The following LCN12 variants were observed in gnomAD, a reference collection of about 807,000 sequenced individuals.
LCN12 encodes lipocalin 12.
LCN12 carries 15 observed loss-of-function variants against 23.7 expected under a neutral mutation model. The ratio of observed to expected loss-of-function variants is 0.63; its 90% CI spans 0.42 to 0.97. The LOEUF (loss-of-function observed/expected upper bound fraction) is 0.97, where lower values mean the gene tolerates loss of function less well. Ranked by LOEUF, LCN12 falls within the 50% of genes least tolerant of loss-of-function variation. The pLI, the probability that LCN12 is intolerant of heterozygous loss-of-function variation, is 0.00. For missense variants in LCN12, 219 were observed against 249.6 expected (o/e 0.88, Z 0.83); for synonymous variants, 116 against 111.5 (o/e 1.04, Z -0.25).
rs1473465392 is a variant in LCN12, at chr9:136,953,954, C to T, written c.438C>T (p.Ile146=). The change falls in exon 4 of 6, where the codon ATC becomes ATT. Residue 146 remains isoleucine, a synonymous_variant. Transcript: ENST00000371633. ...RHTSRLAVLR[I]SLLGRSWLLP... The stretch of plus-strand genomic sequence containing the variant: ...CGAGCAGGCTGGCCGTCCTCAGGAT[C>T]AGCCTGCTGGGTGAGCCTCCCACCC... 6.2e-7 allele frequency: 1 copy of T among 1,609,662 alleles called. No individual in the cohort carries two copies. Among genetic ancestry groups the T allele is most frequent in the East Asian group, 2.2e-5 (1 of 44,880 alleles).
rs761030029 is a variant in LCN12, at chr9:136,953,683, C to G, written c.252-17C>G. The G allele has an allele frequency of 1.9e-6, 3 of 1,556,668 alleles. No individual in the cohort carries two copies. The highest frequency in any genetic ancestry group is 1.7e-4 in the Middle Eastern group (1 of 5,878). ...CAGCTTCCGGAGCCTTCCGCCTCCACCTGTCCCCTCCTACAGAGGCCAGCA... is the reference window on the plus strand; with the variant it reads ...CAGCTTCCGGAGCCTTCCGCCTCCAGCTGTCCCCTCCTACAGAGGCCAGCA... On this transcript the variant is annotated splice_polypyrimidine_tract_variant and intron_variant, in intron 2 of 5. Transcript: ENST00000371633.
In LCN12 at chr9:136,953,903, C is replaced by T. The variant is rs781492020; in HGVS notation, c.387C>T (p.Phe129=). The T allele has an allele frequency of 1.1e-5, 18 of 1,611,198 alleles. No homozygotes were observed. The highest frequency in any genetic ancestry group is 3.3e-5 in the Admixed American group (2 of 59,818). The change falls in exon 4 of 6, where the codon TTC becomes TTT. Residue 129 remains phenylalanine (F), a synonymous_variant. Transcript: ENST00000371633. ...TRVVDSDYTQ[F]ALMLSRRHTS... ...TGGTGGACAGCGACTACACCCAGTT[C>T]GCCCTGATGCTGTCCCGCAGACACA...
chr9:136,955,740 G>T (rs2131382171), downstream of LCN12, among the ~76,000 whole-genome samples: 1 of 152,370 alleles, frequency 6.6e-6, no homozygotes, highest in Middle Eastern at 3.4e-3. Context: ...CTCCATCCCT[G>T]CCCCTTGGGC....
chr9:136,952,105 T>G (rs1851166466), upstream of LCN12, among the ~76,000 whole-genome samples: 1 of 137,394 alleles, frequency 7.3e-6, no homozygotes, highest in African/African-American at 2.6e-5. Context: ...CCCACCTGGC[T>G]GGAACCCAAG....
intron 1 of LCN12, 95 bp from the exon 2 acceptor site, chr9:136,952,797 G>A: frequency 1.4e-6 from 2 of 1,454,480 alleles, no homozygotes; most frequent in Non-Finnish European, 1.9e-6. Flanking sequence ...TCTGTGAGGG[G>A]TCCAGAAGCT....
At chr9:136,949,990 C>T (rs1328080584), upstream of LCN12, among the ~76,000 whole-genome samples, 9 of 152,132 alleles carry the variant, frequency 5.9e-5, no homozygotes, top group Admixed American at 4.6e-4. Flanking sequence ...GGCCCGCCCA[C>T]CCCAGGCGGT....
chr9:136,952,657 T>TAA (rs1851187984), intron 1 of LCN12: 2 of 630,472 alleles, frequency 3.2e-6, no homozygotes, highest in Admixed American at 2.9e-5. Flanking sequence ...TCGCTCCCTC[T>TAA]GTGCGTGAGG....
At chr9:136,955,597 A>G (rs1588477701), downstream of LCN12, 4 of 544,574 alleles carry the variant, frequency 7.3e-6, no homozygotes, top group Non-Finnish European at 6.4e-6. Context: ...CTCTGGGCAC[A>G]CTATGGCCCC....
chr9:136,950,484 A>T (rs952768960), upstream of LCN12, among the ~76,000 whole-genome samples: 1 of 152,074 alleles, frequency 6.6e-6, no homozygotes, highest in African/African-American at 2.4e-5. Flanking sequence ...TTCCTCCCGC[A>T]GGGCCCTGCA....
intron 5 of LCN12, chr9:136,954,808 C>T: frequency 7.8e-7 from 1 of 1,286,946 alleles, no homozygotes; most frequent in South Asian, 1.2e-5. Context: ...AGGCCTGACT[C>T]TTCTTGTGGG....
upstream of LCN12, among the ~76,000 whole-genome samples, chr9:136,950,150 AC>A (rs1851115017): frequency 1.3e-5 from 2 of 151,992 alleles, no homozygotes; most frequent in Non-Finnish European, 2.9e-5. Context: ...TCACGTGCCC[AC>A]CCTCCACCAA....
upstream of LCN12, among the ~76,000 whole-genome samples, chr9:136,950,023 A>G (rs1304696206): frequency 7.0e-6 from 1 of 143,424 alleles, no homozygotes; most frequent in Non-Finnish European, 1.5e-5. Flanking sequence ...GGTCAGAGCC[A>G]GGACTCCCCC....
At chr9:136,955,139 G>A (rs994361941) in intron 5 of LCN12, 6 of 1,417,612 alleles carry the variant, frequency 4.2e-6, no homozygotes, top group Admixed American at 3.0e-5. Flanking sequence ...GACAGGTGAG[G>A]GGCTTCCTGA....
intron 1 of LCN12, 98 bp from the exon 2 acceptor site, chr9:136,952,794 G>T: frequency 7.0e-7 from 1 of 1,418,452 alleles, no homozygotes; most frequent in East Asian, 2.3e-5. Context: ...TGCTCTGTGA[G>T]GGGTCCAGAA....
upstream of LCN12, among the ~76,000 whole-genome samples, chr9:136,950,461 G>A (rs1478376795): frequency 6.6e-6 from 1 of 152,090 alleles, no homozygotes; most frequent in African/African-American, 2.4e-5. Context: ...GGCTGGCCAG[G>A]GAAGGCCCGG....
At chr9:136,954,373 G>A (rs939227807) in intron 5 of LCN12, 118 bp downstream of exon 5, 1 of 1,157,704 alleles carries the variant, frequency 8.6e-7, no homozygotes, top group Non-Finnish European at 1.3e-6. Flanking sequence ...GCCCCAGCCT[G>A]CGCTCAGGGG....
At position 136,954,046 on chromosome 9, in the gene LCN12, C is replaced by T; in HGVS notation, c.448+82C>T. 6 of 1,555,684 alleles carry T rather than the reference C, an allele frequency of 3.9e-6. No homozygotes were observed. The South Asian group carries it at 4.9e-5, about 13-fold the overall frequency. On this transcript the variant is annotated intron_variant, in intron 4 of 5. Transcript: ENST00000371633. ...GGCTTTGGGTCAGACCCTGCCTCCC[C>T]ACCCCGCCTGGAGTGACTTGGGGGT...
chr9:136,952,267 TG>T, upstream of LCN12: 1 of 1,236,876 alleles, frequency 8.1e-7, no homozygotes, highest in Non-Finnish European at 1.2e-6. Context: ...GGTGGGTCTC[TG>T]GGTCACCTGC....
chr9:136,952,577 CT>C (rs1214825018), intron 1 of LCN12, 136 bp downstream of exon 1: 2 of 688,626 alleles, frequency 2.9e-6, no homozygotes, highest in Non-Finnish European at 4.9e-6. Context: ...AGGCGGGCCC[CT>C]GACCTCCAGC....
Sources: allele counts gnomAD v4.1 joint callset (sites outside exome capture counted in the v4.1 genomes callset), GRCh38; gene constraint gnomAD v4.1.1; transcripts MANE v1.5; gene names NCBI Gene and HGNC (gene_info 2026-07-23, HGNC 2026-07-21).